The following SLC46A1 variants were observed in gnomAD, a reference collection of about 807,000 sequenced individuals.
The protein encoded by SLC46A1 is proton-coupled folate transporter.
Under a neutral mutation model 32.1 loss-of-function variants are expected in SLC46A1, and 17 were observed. The ratio of observed to expected loss-of-function variants is 0.53; its 90% CI spans 0.36 to 0.79. SLC46A1 has a LOEUF of 0.79. SLC46A1 is among the 30% of genes least tolerant of loss of function. SLC46A1 has a pLI of 0.00. For missense variants in SLC46A1, 517 were observed against 588.2 expected (o/e 0.88, Z 1.25); for synonymous variants, 240 against 262.7 (o/e 0.91, Z 0.84).
intron 1 of SLC46A1, 144 bp downstream of exon 1, chr17:28,405,743 C>T: frequency 9.5e-7 from 1 of 1,056,248 alleles, no homozygotes; most frequent in East Asian, 2.6e-5. Context: ...CGGTCAGGCC[C>T]CTTTGCTCTG....
chr17:28,405,848 A>T (rs1555591242), intron 1 of SLC46A1, 39 bp downstream of exon 1: 1 of 1,530,280 alleles, frequency 6.5e-7, no homozygotes. Flanking sequence ...GCTCCAGACC[A>T]GGGCCCTCCA....
intron 3 of SLC46A1, chr17:28,401,967 C>T: frequency 3.3e-6 from 1 of 306,798 alleles, no homozygotes; most frequent in South Asian, 7.7e-5. Flanking sequence ...CTGAGGTCTG[C>T]AGAGAGTAAA....
At position 28,396,390 on chromosome 17, in the gene SLC46A1, C is replaced by T. The variant is rs73273104; in HGVS notation, c.*3266G>A. 9,103 of 1,414,220 alleles carry T rather than the reference C, an allele frequency of 6.4e-3. 493 individuals carry two copies. In the African/African-American group the frequency reaches 0.11, roughly 18 times the overall value. The allele number at this position is 1,414,220 out of a possible 1,614,324, so 87.6% of individuals were successfully genotyped here. On this transcript the variant is annotated 3_prime_UTR_variant, in exon 5 of 5. Coordinates refer to ENST00000612814, the MANE Select transcript of SLC46A1 (RefSeq NM_080669.6). ...TCCCTGGGCTGAGACAACCTGGGCT[C>T]TTCTTAGGAAATGGCTCTCCCTCCC... is the stretch of plus-strand genomic sequence containing the variant.
At position 28,402,398 on chromosome 17, in the gene SLC46A1, A is replaced by G. The variant is rs1555589827; in HGVS notation, c.1082-77T>C. 2.4e-6 allele frequency: 3 copies of G among 1,274,186 alleles called. No homozygotes were observed. In the African/African-American group the frequency reaches 4.4e-5, roughly 19 times the overall value. 78.9% of individuals were successfully genotyped at this position (1,274,186 alleles called of 1,614,324 possible). A position where few individuals can be genotyped will look rare whatever the true frequency, so the allele number is the denominator to read the frequency against. On this transcript the variant is annotated intron_variant, in intron 2 of 4. Coordinates refer to ENST00000612814, the MANE Select transcript of SLC46A1 (RefSeq NM_080669.6). ...CCAAGGGAAAGGCAGCAGAGCTCCT[A>G]TCCATACCCCACGTGGGGCTTAGGT... is the stretch of plus-strand genomic sequence containing the variant.
At position 28,398,842 on chromosome 17, in the gene SLC46A1, C is replaced by G. The variant is rs782613700; in HGVS notation, c.*814G>C. 6.6e-6 allele frequency: 1 copy of G among 152,226 alleles called. No individual in the cohort carries two copies. The allele number at this position is 152,226 out of a possible 1,614,324, so 9.4% of individuals were successfully genotyped here. On this transcript the variant is annotated 3_prime_UTR_variant, in exon 5 of 5. Transcript: ENST00000612814. ...CAATTTGGGGCATTGCTGATCTAGC[C>G]GTTCCTAGTGGGGCTTGCTCAAGGT... is the stretch of plus-strand genomic sequence containing the variant.
intron 2 of SLC46A1, chr17:28,403,661 T>C (rs1198707721): frequency 6.6e-6 from 1 of 152,158 alleles, no homozygotes; most frequent in African/African-American, 2.4e-5. Flanking sequence ...ATTATTGTAT[T>C]GTTGACTATA....
At chr17:28,405,808 A>G in intron 1 of SLC46A1, 79 bp downstream of exon 1, 1 of 1,420,832 alleles carries the variant, frequency 7.0e-7, no homozygotes, top group African/African-American at 1.4e-5. Flanking sequence ...CACTACCATT[A>G]CGCAGGCCCC....
Position 28,396,227 on chromosome 17 carries a change from G to A in SLC46A1, c.*3429C>T. ...CTTCCTGCAGGGCCGCTCCTCCCGG[G>A]ACTCATCTGCAGGCTCTGACACCAG... On this transcript the variant is annotated 3_prime_UTR_variant, in exon 5 of 5. Coordinates refer to ENST00000612814, the MANE Select transcript of SLC46A1 (RefSeq NM_080669.6). 1.2e-6 allele frequency: 2 copies of A among 1,614,004 alleles called. No individual in the cohort carries two copies. Among genetic ancestry groups the A allele is most frequent in the Non-Finnish European group, 1.7e-6 (2 of 1,179,876 alleles).
At position 28,405,022 on chromosome 17, in the gene SLC46A1, A is replaced by G. The variant is rs1198506638; in HGVS notation, c.675T>C (p.Tyr225=). ...AGGTCTCACCAAAGCAGAAAGCTGC[A>G]TAGAGAGTCATGGCTATCAGCAAGG... ...ALALLIAMTL[Y]AAFCFGETLK... is the part of the protein sequence containing the mutation. Residue 225 remains tyrosine, a synonymous_variant, in exon 2 of 5, where the codon TAT becomes TAC. Transcript: ENST00000612814. 6.2e-7 allele frequency: 1 copy of G among 1,613,934 alleles called. No individual in the cohort carries two copies. The highest frequency in any genetic ancestry group is 1.3e-5 in the African/African-American group (1 of 74,930).
In SLC46A1 at chr17:28,399,625, C is replaced by A; in HGVS notation, c.*31G>T. The A allele has an allele frequency of 6.2e-7, 1 of 1,613,330 alleles. No homozygotes were observed. On this transcript the variant is annotated 3_prime_UTR_variant, in exon 5 of 5. Transcript: ENST00000612814. ...CAGTTGCTTGGTGTTCACTTTGCTCCTCTTGCCCTCTGTCTTCTGGTCCAG... is the reference window on the plus strand; with the variant it reads ...CAGTTGCTTGGTGTTCACTTTGCTCATCTTGCCCTCTGTCTTCTGGTCCAG...
chr17:28,404,951 C>G lies in SLC46A1; in HGVS notation c.746G>C (p.Arg249Pro), dbSNP rs1555590603. 4 of 1,614,032 alleles carry G rather than the reference C, an allele frequency of 2.5e-6. No individual in the cohort carries two copies. The highest frequency in any genetic ancestry group is 1.7e-5 in the Admixed American group (1 of 60,026). The change falls in exon 2 of 5, where the codon CGA becomes CCA. Residue 249 changes from arginine (R) to proline (P), a missense_variant. Arg to Pro is a moderately radical substitution (Grantham distance 103). Coordinates refer to ENST00000612814, the MANE Select transcript of SLC46A1 (RefSeq NM_080669.6). ...STRLFTFRHH[R>P]SIVQLYVAPA... Reference sequence around the variant, plus strand: ...AGCCACATAGAGCTGGACAATGGATCGGTGGTGACGGAACGTGAAGAGCCG... The same window carrying G: ...AGCCACATAGAGCTGGACAATGGATGGGTGGTGACGGAACGTGAAGAGCCG...
Position 28,396,538 on chromosome 17 carries a change from T to A in SLC46A1, c.*3118A>T. The A allele has an allele frequency of 1.9e-6, 1 of 538,870 alleles. No individual in the cohort carries two copies. Among genetic ancestry groups the A allele is most frequent in the Non-Finnish European group, 3.3e-6 (1 of 300,200 alleles). The allele number at this position is 538,870 out of a possible 1,614,324, so 33.4% of individuals were successfully genotyped here. ...CCAGGCCCTGCCATTGGGTTGTCTGTCTCCGTCATGGGGAGGGTCCCTGCT... is the reference window on the plus strand; with the variant it reads ...CCAGGCCCTGCCATTGGGTTGTCTGACTCCGTCATGGGGAGGGTCCCTGCT... On this transcript the variant is annotated 3_prime_UTR_variant, in exon 5 of 5. Coordinates refer to ENST00000612814, the MANE Select transcript of SLC46A1 (RefSeq NM_080669.6).
chr17:28,404,229 G>A lies in SLC46A1; in HGVS notation c.1081+387C>T, dbSNP rs545061508. The A allele has an allele frequency of 1.0e-4, 24 of 236,576 alleles. No homozygotes were observed. In the South Asian group the frequency reaches 1.2e-3, roughly 12 times the overall value. The allele number at this position is 236,576 out of a possible 1,614,324, so 14.7% of individuals were successfully genotyped here. ...AGCTGACTAAGGGTATTTGAGGTAG[G>A]TCCTGTGATTCTTATCAGAGAAGTG... On this transcript the variant is annotated intron_variant, in intron 2 of 4. Coordinates refer to ENST00000612814, the MANE Select transcript of SLC46A1 (RefSeq NM_080669.6).
Position 28,405,086 on chromosome 17 carries a change from C to T in SLC46A1, c.611G>A (p.Arg204Gln), listed in dbSNP as rs1555590712. The T allele has an allele frequency of 3.1e-6, 5 of 1,613,904 alleles. No homozygotes were observed. Among genetic ancestry groups the T allele is most frequent in the Admixed American group, 1.7e-5 (1 of 60,028 alleles). ...GAAGGGGTTGGCATAACCCTGGGCC[C>T]GGAGCCAGTGGCCCCCGAGGAGGCT... Reference protein sequence around the residue: ...LASLLGGHWLRAQGYANPFWL... With the variant: ...LASLLGGHWLQAQGYANPFWL... Residue 204 changes from arginine (R) to glutamine (Q), a missense_variant, in exon 2 of 5, where the codon CGG (arginine) becomes CAG (glutamine). Arg to Gln is a conservative substitution (Grantham distance 43, BLOSUM62 1). Transcript: ENST00000612814.
chr17:28,403,849 A>G (rs2142462638), intron 2 of SLC46A1: 1 of 152,350 alleles, frequency 6.6e-6, no homozygotes, highest in Middle Eastern at 3.4e-3. Flanking sequence ...CCCCATCTCT[A>G]TAAAAAATAC....
At position 28,400,799 on chromosome 17, in the gene SLC46A1, C is replaced by G. The variant is rs559489325; in HGVS notation, c.1166-33G>C. 1.9e-6 allele frequency: 3 copies of G among 1,546,966 alleles called. No individual in the cohort carries two copies. In the East Asian group the frequency reaches 7.3e-5, roughly 38 times the overall value. On this transcript the variant is annotated intron_variant, in intron 3 of 4. Transcript: ENST00000612814. ...GAAATAAATACCATACTCTGGAGTC[C>G]GAAAGGGCCATATTCCAACTCTGGC...
In SLC46A1 at chr17:28,399,574, G is replaced by T; in HGVS notation, c.*82C>A. The T allele has an allele frequency of 6.9e-7, 1 of 1,439,614 alleles. No individual in the cohort carries two copies. The highest frequency in any genetic ancestry group is 9.7e-7 in the Non-Finnish European group (1 of 1,025,720). The allele number at this position is 1,439,614 out of a possible 1,614,324, so 89.2% of individuals were successfully genotyped here. A position where few individuals can be genotyped will look rare whatever the true frequency, so the allele number is the denominator to read the frequency against. On this transcript the variant is annotated 3_prime_UTR_variant, in exon 5 of 5. Transcript: ENST00000612814. ...AGACAAGAGTTGCTTGTCCTGCTGT[G>T]GGCTGGGCTTCCAGCTGCAGACCTC...
rs782755295 is a variant in SLC46A1 at position 28,396,202 on chromosome 17, C to T, written c.*3454G>A. The T allele has an allele frequency of 1.2e-6, 2 of 1,614,022 alleles. No homozygotes were observed. The highest frequency in any genetic ancestry group is 2.2e-5 in the South Asian group (2 of 91,086). On this transcript the variant is annotated 3_prime_UTR_variant, in exon 5 of 5. Transcript: ENST00000612814. ...AGGCCACCATTGAGAAGATCATCCGCTTCCTGCAGGGCCGCTCCTCCCGGG... is the reference window on the plus strand; with the variant it reads ...AGGCCACCATTGAGAAGATCATCCGTTTCCTGCAGGGCCGCTCCTCCCGGG...
In SLC46A1 at chr17:28,398,290, C is replaced by A. The variant is rs1428644196; in HGVS notation, c.*1366G>T. The A allele has an allele frequency of 2.6e-5, 4 of 152,312 alleles. No homozygotes were observed. The highest frequency in any genetic ancestry group is 9.7e-5 in the African/African-American group (4 of 41,440). The allele number at this position is 152,312 out of a possible 1,614,324, so 9.4% of individuals were successfully genotyped here. On this transcript the variant is annotated 3_prime_UTR_variant, in exon 5 of 5. Transcript: ENST00000612814. ...GTATACCCTCCACTGTTGTCCACTG[C>A]CCTGTGTGGCCTTCTGGTTGACCTC...
Sources: gnomAD v4.1 joint callset for allele counts on GRCh38, gnomAD v4.1.1 for gene constraint, MANE v1.5 for transcripts, NCBI Gene and HGNC (gene_info 2026-07-23, HGNC 2026-07-21) for gene names.